The following DPY19L2 variants were observed in gnomAD, a reference collection of about 807,000 sequenced individuals.
DPY19L2 encodes probable C-mannosyltransferase DPY19L2.
Under a neutral mutation model 97.9 loss-of-function variants are expected in DPY19L2, and 34 were observed. The ratio of observed to expected loss-of-function variants is 0.35; its 90% CI spans 0.26 to 0.46. DPY19L2 has a LOEUF of 0.46. Ranked by LOEUF, DPY19L2 falls within the 20% of genes least tolerant of loss-of-function variation. The pLI is 1.00. For missense variants in DPY19L2, 623 were observed against 911.4 expected, an observed-to-expected ratio of 0.68 and a Z score of 4.07; for synonymous variants, 230 against 307.9, an observed-to-expected ratio of 0.75 and a Z score of 2.65.
Position 63,580,580 on chromosome 12 carries a change from A to G in DPY19L2, c.1900+82T>C, listed in dbSNP as rs573593091. 117 of 1,333,384 alleles carry G rather than the reference A, an allele frequency of 8.8e-5. No homozygotes were observed. In the African/African-American group the frequency reaches 1.5e-3, roughly 17 times the overall value. The allele number at this position is 1,333,384 out of a possible 1,614,324, so 82.6% of individuals were successfully genotyped here. On this transcript the variant is annotated intron_variant, in intron 19 of 21. Transcript: ENST00000324472. ...ATACACACATACACACATATATCAG[A>G]AATGACAATAATTATATATAGTATA...
At chr12:63,639,192 C>T (rs567660559) in intron 6 of DPY19L2, among the ~76,000 whole-genome samples, 34 of 152,232 alleles carry the variant, frequency 2.2e-4, no homozygotes, top group Middle Eastern at 3.4e-3. Flanking sequence ...ACACCTTTTA[C>T]GAAAATTAAT....
intron 4 of DPY19L2, among the ~76,000 whole-genome samples, chr12:63,654,816 A>T (rs1332307907): frequency 6.6e-6 from 1 of 152,186 alleles, no homozygotes; most frequent in Admixed American, 6.5e-5. Flanking sequence ...TGTGCCAAAC[A>T]TAGAGCTACA....
At chr12:63,619,152 A>G (rs1888286540) in intron 9 of DPY19L2, among the ~76,000 whole-genome samples, 1 of 152,106 alleles carries the variant, frequency 6.6e-6, no homozygotes, top group South Asian at 2.1e-4. Context: ...TCATAAAAAA[A>G]AAATTGGGCC....
At chr12:63,653,831 C>T (rs965164391) in intron 4 of DPY19L2, among the ~76,000 whole-genome samples, 4 of 151,870 alleles carry the variant, frequency 2.6e-5, no homozygotes, top group African/African-American at 9.7e-5. Flanking sequence ...AAGAATTCAA[C>T]TAACAGTGGA....
chr12:63,593,117 G>C (rs1319658680), intron 16 of DPY19L2, among the ~76,000 whole-genome samples: 1 of 151,862 alleles, frequency 6.6e-6, no homozygotes, highest in Non-Finnish European at 1.5e-5. Flanking sequence ...TTAGAATGGC[G>C]ATCATTAAAA....
chr12:63,656,439 T>C (rs1894982851), intron 4 of DPY19L2, among the ~76,000 whole-genome samples: 1 of 152,202 alleles, frequency 6.6e-6, no homozygotes, highest in Non-Finnish European at 1.5e-5. Flanking sequence ...CTTTGTGAGA[T>C]AGTCTCTGTC....
intron 4 of DPY19L2, among the ~76,000 whole-genome samples, chr12:63,653,421 G>A (rs1894543870): frequency 6.6e-6 from 1 of 152,070 alleles, no homozygotes; most frequent in Non-Finnish European, 1.5e-5. Context: ...AATTAGCCAG[G>A]TATGGTGGTT....
At chr12:63,620,054 C>T (rs1888442403) in intron 9 of DPY19L2, 1 of 433,824 alleles carries the variant, frequency 2.3e-6, no homozygotes, top group Non-Finnish European at 4.5e-6. Flanking sequence ...CAGCATGAGA[C>T]TTCTTGGCAG....
intron 3 of DPY19L2, among the ~76,000 whole-genome samples, chr12:63,662,402 A>G (rs532755545): frequency 1.3e-4 from 20 of 152,190 alleles, no homozygotes; most frequent in African/African-American, 4.6e-4. Context: ...GAATTCATAA[A>G]GAATTTTCCT....
At chr12:63,583,577 C>T (rs906170473) in intron 17 of DPY19L2, among the ~76,000 whole-genome samples, 4 of 152,126 alleles carry the variant, frequency 2.6e-5, no homozygotes, top group Admixed American at 2.6e-4. Context: ...TAAATGAATG[C>T]AATTTAATTT....
rs1565863397 is a variant in DPY19L2, at chr12:63,663,769, GAA to G, written c.437_438del (p.Phe146SerfsTer3). ...HLSSLEREMT[F>X]RTEMGLYYSY... ...AGAAGAAACCTAACCATTTCAGTGC[GAA>G]AAGTCATCTCCCGTTCCAAAGATGA... On this transcript the variant is annotated frameshift_variant, in exon 3 of 22. Transcript: ENST00000324472. LOFTEE classifies it high-confidence loss of function. 1 of 1,602,062 alleles carries G rather than the reference GAA, an allele frequency of 6.2e-7. No homozygotes were observed. The highest frequency in any genetic ancestry group is 1.1e-5 in the South Asian group (1 of 87,152).
chr12:63,593,858 T>A (rs1883629448), intron 16 of DPY19L2, among the ~76,000 whole-genome samples: 1 of 152,158 alleles, frequency 6.6e-6, no homozygotes. Context: ...ATTTATCAAT[T>A]TAAACTTTGA....
intron 19 of DPY19L2, among the ~76,000 whole-genome samples, chr12:63,577,105 G>C (rs371008413): frequency 7.4e-4 from 113 of 152,104 alleles, no homozygotes; most frequent in African/African-American, 2.6e-3. Context: ...CAGTGGAACA[G>C]AATGGAGAAC....
At chr12:63,602,513 G>A (rs1885351254) in intron 12 of DPY19L2, among the ~76,000 whole-genome samples, 1 of 152,070 alleles carries the variant, frequency 6.6e-6, no homozygotes, top group Admixed American at 6.5e-5. Flanking sequence ...AAACTGTCCA[G>A]AAATAAAAGA....
intron 12 of DPY19L2, among the ~76,000 whole-genome samples, chr12:63,604,959 T>A (rs1885790544): frequency 6.6e-6 from 1 of 152,150 alleles, no homozygotes; most frequent in Non-Finnish European, 1.5e-5. Context: ...GTGGATCCTA[T>A]TTTAAATTTC....
At chr12:63,591,940 TGAAAAGAAAA>T (rs371807048) in intron 16 of DPY19L2, among the ~76,000 whole-genome samples, 35,605 of 61,738 alleles carry the variant, frequency 0.58, 10,931 homozygotes, top group African/African-American at 0.63. Context: ...CAAGACTCTG[TGAAAAGAAAA>T]GAAAAGAAAA....
At chr12:63,625,854 T>C (rs1324459496) in intron 7 of DPY19L2, among the ~76,000 whole-genome samples, 4 of 151,598 alleles carry the variant, frequency 2.6e-5, no homozygotes, top group African/African-American at 4.8e-5. Flanking sequence ...GTGTTAATAC[T>C]ATATTGTATA....
At chr12:63,596,151 T>C (rs1392771700) in intron 14 of DPY19L2, 114 bp from the exon 15 acceptor site, 6 of 747,152 alleles carry the variant, frequency 8.0e-6, no homozygotes, top group Non-Finnish European at 1.2e-5. Context: ...AAAGGTTAAA[T>C]TTCTTTGTCA....
Position 63,617,444 on chromosome 12 carries a change from G to T in DPY19L2, c.1132-54C>A, listed in dbSNP as rs555358083. The T allele has an allele frequency of 1.2e-3, 1,557 of 1,285,830 alleles. 12 individuals carry two copies. In the African/African-American group the frequency reaches 0.02, roughly 16 times the overall value. The allele number at this position is 1,285,830 out of a possible 1,614,324, so 79.7% of individuals were successfully genotyped here. On this transcript the variant is annotated intron_variant, in intron 10 of 21. Coordinates refer to ENST00000324472, the MANE Select transcript of DPY19L2 (RefSeq NM_173812.5). ...TGGTTATTACATATATTGGCATAATGCATATTTTGTAGGTATATAGCCATT... is the reference window on the plus strand; with the variant it reads ...TGGTTATTACATATATTGGCATAATTCATATTTTGTAGGTATATAGCCATT...
Sources: gnomAD v4.1 joint callset for allele counts (sites outside exome capture counted in the v4.1 genomes callset) on GRCh38, gnomAD v4.1.1 for gene constraint, MANE v1.5 for transcripts, NCBI Gene and HGNC (gene_info 2026-07-23, HGNC 2026-07-21) for gene names.